The following SYTL5 variants were observed in gnomAD, a reference collection of about 807,000 sequenced individuals.
The protein encoded by SYTL5 is synaptotagmin-like protein 5.
SYTL5 carries 34 observed loss-of-function variants against 55.9 expected under a neutral mutation model. The ratio of observed to expected loss-of-function variants is 0.61; its 90% confidence interval spans 0.46 to 0.81. SYTL5 has a LOEUF of 0.81. Ranked by LOEUF, SYTL5 falls within the 30% of genes least tolerant of loss-of-function variation. The probability of loss-of-function intolerance (pLI) is 0.00; values close to 1 mark genes in which losing one functional copy is unlikely to be tolerated. For synonymous variants in SYTL5, 221 were observed against 188.7 expected (o/e 1.17, Z -1.40); for missense variants, 637 against 546.7 (o/e 1.17, Z -1.65).
chrX:38,115,804 G>A (rs1481682259), intron 13 of SYTL5, among the ~76,000 whole-genome samples: 1 of 111,641 alleles, frequency 9.0e-6, no homozygotes, highest in African/African-American at 3.3e-5. Context: ...AATTGCTTGA[G>A]TTCCTCATGT....
chrX:38,036,822 G>C (rs1430104251), intron 2 of SYTL5, among the ~76,000 whole-genome samples: 1 of 111,992 alleles, frequency 8.9e-6, no homozygotes, highest in Admixed American at 9.4e-5. Context: ...TTTGACAACA[G>C]AAATAATATC....
the SYTL5 span, among the ~76,000 whole-genome samples, chrX:37,945,549 C>T: frequency 9.0e-6 from 1 of 111,079 alleles, no homozygotes; most frequent in Non-Finnish European, 1.9e-5. Flanking sequence ...TGGCACCTTC[C>T]AATAGACCTG....
chrX:37,957,465 A>G, the SYTL5 span, among the ~76,000 whole-genome samples: 1 of 112,020 alleles, frequency 8.9e-6, no homozygotes, highest in Non-Finnish European at 1.9e-5. Context: ...TGTGTGGTGT[A>G]TGGCATGGGT....
intron 2 of SYTL5, among the ~76,000 whole-genome samples, chrX:38,045,287 T>A (rs1935424994): frequency 8.9e-6 from 1 of 112,435 alleles, no homozygotes; most frequent in African/African-American, 3.2e-5. Context: ...TCCCTTTGCA[T>A]ATATGAGCAC....
chrX:37,911,223 C>T, the SYTL5 span, among the ~76,000 whole-genome samples: 2 of 110,662 alleles, frequency 1.8e-5, no homozygotes, highest in Non-Finnish European at 3.8e-5. Context: ...CTGCCTGCCT[C>T]GGCCTCCCAA....
chrX:38,100,135 G>A (rs1478623171), intron 9 of SYTL5, among the ~76,000 whole-genome samples: 2 of 110,754 alleles, frequency 1.8e-5, no homozygotes, highest in Non-Finnish European at 3.8e-5. Flanking sequence ...GGAAGAATTT[G>A]ACAGGAATTG....
the SYTL5 span, among the ~76,000 whole-genome samples, chrX:37,986,073 A>G: frequency 8.9e-6 from 1 of 112,268 alleles, no homozygotes; most frequent in Non-Finnish European, 1.9e-5. Context: ...AAAACATAGG[A>G]AAAAAATCTT....
At chrX:37,928,499 G>A in the SYTL5 span, among the ~76,000 whole-genome samples, 7 of 111,081 alleles carry the variant, frequency 6.3e-5, no homozygotes, top group Admixed American at 1.9e-4. Context: ...CTGCCACAGA[G>A]ACCACAAAGC....
intron 15 of SYTL5, among the ~76,000 whole-genome samples, chrX:38,123,076 G>C (rs868323583): frequency 1.8e-4 from 20 of 112,029 alleles, no homozygotes; most frequent in Non-Finnish European, 2.4e-4. Context: ...TATTGGAAAA[G>C]AGTATTTTTT....
chrX:37,979,132 C>T, the SYTL5 span, among the ~76,000 whole-genome samples: 2 of 110,792 alleles, frequency 1.8e-5, no homozygotes, highest in South Asian at 7.8e-4. Flanking sequence ...AAGGAAATGT[C>T]CAGAAGAAAA....
At chrX:38,029,389 A>C (rs1934884165) in intron 1 of SYTL5, among the ~76,000 whole-genome samples, 1 of 112,597 alleles carries the variant, frequency 8.9e-6, no homozygotes, top group Non-Finnish European at 1.9e-5. Context: ...TTGCATGTAA[A>C]ACTGTTTCTT....
intron 2 of SYTL5, 73 bp downstream of exon 2, chrX:38,034,081 G>A: frequency 9.0e-6 from 5 of 557,780 alleles, no homozygotes; most frequent in Non-Finnish European, 1.4e-5. Context: ...GATCAGAAAT[G>A]GGCCAAGTGC....
chrX:38,113,535 G>A (rs944755046), intron 13 of SYTL5, among the ~76,000 whole-genome samples: 1 of 111,115 alleles, frequency 9.0e-6, no homozygotes, highest in Non-Finnish European at 1.9e-5. Context: ...AAAGCAGGAG[G>A]TGGTGGGTGT....
intron 2 of SYTL5, among the ~76,000 whole-genome samples, chrX:38,040,044 A>G (rs1178125068): frequency 1.8e-5 from 2 of 110,200 alleles, no homozygotes; most frequent in Non-Finnish European, 1.9e-5. Context: ...GCGTGGTGGC[A>G]TGCGCCTGTA....
chrX:38,004,013 C>T (rs1933925545), upstream of SYTL5, among the ~76,000 whole-genome samples: 1 of 111,819 alleles, frequency 8.9e-6, no homozygotes, highest in Admixed American at 9.5e-5. Flanking sequence ...TATTGAGATC[C>T]CCTGCCAGTT....
intron 3 of SYTL5, among the ~76,000 whole-genome samples, chrX:38,055,459 T>C (rs1049005041): frequency 3.6e-5 from 4 of 111,763 alleles, no homozygotes; most frequent in African/African-American, 1.3e-4. Flanking sequence ...TGGTATGTTT[T>C]CTCCCTCCCA....
intron 4 of SYTL5, among the ~76,000 whole-genome samples, chrX:38,072,981 G>A (rs946629417): frequency 3.0e-4 from 33 of 111,654 alleles, no homozygotes; most frequent in African/African-American, 1.0e-3. Context: ...TGGCGAGAAG[G>A]CTTGGAACTG....
At chrX:37,969,170 G>T in the SYTL5 span, among the ~76,000 whole-genome samples, 6 of 111,501 alleles carry the variant, frequency 5.4e-5, no homozygotes, top group African/African-American at 2.0e-4. Flanking sequence ...ACATCCTTTT[G>T]TTTATAAAAC....
chrX:37,952,678 T>C, the SYTL5 span, among the ~76,000 whole-genome samples: 1 of 110,758 alleles, frequency 9.0e-6, no homozygotes, highest in Non-Finnish European at 1.9e-5. Context: ...ATTGTTATTG[T>C]GAGTGATAGA....
Sources: allele counts gnomAD v4.1 joint callset (sites outside exome capture counted in the v4.1 genomes callset), GRCh38; gene constraint gnomAD v4.1.1; transcripts MANE v1.5; gene names NCBI Gene and HGNC (gene_info 2026-07-23, HGNC 2026-07-21).